ABCA13: variants seen among roughly 807,000 people sequenced by gnomAD.
ABCA13 encodes the protein ATP-binding cassette sub-family A member 13.
A neutral mutation model predicts 478.7 loss-of-function variants in ABCA13; 476 were observed. The observed-to-expected ratio is 0.99, with a 90% CI of 0.92 to 1.07. The LOEUF (loss-of-function observed/expected upper bound fraction) is 1.07. Among genes scored for constraint, ABCA13 ranks in the 50% least tolerant of loss-of-function variants. ABCA13 has a pLI of 0.00. For synonymous variants in ABCA13, 2,252 were observed against 2,158.9 expected, an observed-to-expected ratio of 1.04 and a Z score of -1.20; for missense variants, 6,060 against 5,910.6, an observed-to-expected ratio of 1.03 and a Z score of -0.83.
chr7:48,367,577 G>A (rs904666299), intron 31 of ABCA13, among the ~76,000 whole-genome samples: 6 of 152,096 alleles, frequency 3.9e-5, no homozygotes, highest in African/African-American at 1.2e-4. Context: ...GAGAGATCTC[G>A]AACCAGTTGT....
chr7:48,227,489 T>G, intron 6 of ABCA13, 64 bp downstream of exon 6: 7 of 1,501,080 alleles, frequency 4.7e-6, no homozygotes, highest in Non-Finnish European at 2.7e-6. Flanking sequence ...ATTTTTAAAA[T>G]GAGAAATAAA....
intron 39 of ABCA13, among the ~76,000 whole-genome samples, chr7:48,406,527 A>C (rs1244422813): frequency 6.6e-6 from 1 of 152,210 alleles, no homozygotes; most frequent in Non-Finnish European, 1.5e-5. Context: ...GGAACATATC[A>C]TCTGAATCAG....
rs778302883 is a variant in ABCA13 at position 48,317,252 on chromosome 7, C to T, written c.9955C>T (p.Leu3319=). ...FLKPILHGKI[L]YTPNTPEINK... ...AAAACCCATATTGCATGGAAAAATA[C>T]TATACACACCAAACACTCCAGAAAT... Residue 3319 remains leucine (L), a synonymous_variant, in exon 27 of 62, where the codon CTA becomes TTA. Transcript: ENST00000435803. 8.1e-6 allele frequency: 13 copies of T among 1,613,566 alleles called. No individual in the cohort carries two copies. The highest frequency in any genetic ancestry group is 1.1e-5 in the Non-Finnish European group (13 of 1,179,830).
At position 48,239,274 on chromosome 7, in the gene ABCA13, T is replaced by C; in HGVS notation, c.931T>C (p.Cys311Arg). 6.2e-7 allele frequency: 1 copy of C among 1,613,958 alleles called. No individual in the cohort carries two copies. Among genetic ancestry groups the C allele is most frequent in the South Asian group, 1.1e-5 (1 of 91,070 alleles). The change falls in exon 9 of 62, where the codon TGT becomes CGT. Residue 311 changes from cysteine (C) to arginine (R), a missense_variant. Coordinates refer to ENST00000435803, the MANE Select transcript of ABCA13 (RefSeq NM_152701.5). ...PTDTSLEKMVCSVLSSTSEDE... is the reference protein window; with the variant it reads ...PTDTSLEKMVRSVLSSTSEDE... ...AGACACTTCCTTGGAGAAGATGGTGTGTTCAGTCTTGTCTAGCACATCAGA... is the reference window on the plus strand; with the variant it reads ...AGACACTTCCTTGGAGAAGATGGTGCGTTCAGTCTTGTCTAGCACATCAGA...
At chr7:48,397,036 C>A (rs548010698) in intron 38 of ABCA13, among the ~76,000 whole-genome samples, 1 of 152,084 alleles carries the variant, frequency 6.6e-6, no homozygotes, top group Non-Finnish European at 1.5e-5. Context: ...TTTTTGTGTC[C>A]TTTTATATTT....
At chr7:48,361,425 G>C (rs546202959) in intron 31 of ABCA13, among the ~76,000 whole-genome samples, 41 of 151,420 alleles carry the variant, frequency 2.7e-4, no homozygotes, top group Non-Finnish European at 4.9e-4. Context: ...AAAAATTCAT[G>C]ATGTGCAAGT....
intron 31 of ABCA13, among the ~76,000 whole-genome samples, chr7:48,363,305 T>G (rs1436741560): frequency 6.6e-6 from 1 of 152,190 alleles, no homozygotes; most frequent in Non-Finnish European, 1.5e-5. Flanking sequence ...TTAAATGTTA[T>G]TATGGAGAAA....
intron 42 of ABCA13, among the ~76,000 whole-genome samples, chr7:48,437,398 A>G (rs1468856154): frequency 3.3e-5 from 5 of 151,976 alleles, no homozygotes; most frequent in East Asian, 1.9e-4. Flanking sequence ...CTTCTAATCT[A>G]TGTGTATCCA....
intron 29 of ABCA13, among the ~76,000 whole-genome samples, chr7:48,341,930 CAT>C (rs1807299129): frequency 1.8e-5 from 2 of 113,942 alleles, no homozygotes; most frequent in African/African-American, 6.6e-5. Flanking sequence ...TATATATACT[CAT>C]ATATATATAT....
rs1476102275 is a variant in ABCA13, at chr7:48,229,828, C to A, written c.636C>A (p.Ser212=). ...AVNLLQTILN[S]LISLEDLDWL... ...TTTTGTTTTGTTTTGGTTCTAGTTC[C>A]TTAATATCCCTAGAAGATTTAGATT... The change falls in exon 7 of 62, where the codon TCC becomes TCA. Residue 212 remains serine, a synonymous_variant. Transcript: ENST00000435803. The A allele has an allele frequency of 6.2e-7, 1 of 1,613,754 alleles. No homozygotes were observed. The highest frequency in any genetic ancestry group is 2.2e-5 in the East Asian group (1 of 44,882).
rs1466200229 is a variant in ABCA13 at position 48,572,639 on chromosome 7, T to C, written c.14355-7585T>C. Among the ~76,000 whole-genome samples, 3 of 152,202 alleles carry C rather than the reference T, an allele frequency of 2.0e-5. No individual in the cohort carries two copies. In the East Asian group the frequency reaches 5.8e-4, roughly 29 times the overall value. On this transcript the variant is annotated intron_variant, in intron 55 of 61. Transcript: ENST00000435803. ...AATACCCCTTTTATATATCACTTGA[T>C]TTAATTGGGTAATAGTTACTAAAAT...
chr7:48,234,955 C>T (rs1789722910), intron 8 of ABCA13, among the ~76,000 whole-genome samples: 1 of 152,130 alleles, frequency 6.6e-6, no homozygotes, highest in African/African-American at 2.4e-5. Context: ...TTTGTGAGTT[C>T]CCCACAACCT....
chr7:48,260,786 C>G (rs1794064325), intron 15 of ABCA13, among the ~76,000 whole-genome samples: 1 of 151,904 alleles, frequency 6.6e-6, no homozygotes, highest in Non-Finnish European at 1.5e-5. Flanking sequence ...TTGTGGTCCC[C>G]TAGAGCCAGG....
rs1460660785 is a variant in ABCA13 at position 48,313,062 on chromosome 7, T to C, written c.9517-5T>C. ...ATGTTGTTTTGTTTTTGTTTTGTCC[T>C]TTAGACTCTGATGCCTTCTGAAGCA... On this transcript the variant is annotated splice_polypyrimidine_tract_variant and splice_region_variant and intron_variant, in intron 24 of 61. Coordinates refer to ENST00000435803, the MANE Select transcript of ABCA13 (RefSeq NM_152701.5). 1 of 1,567,454 alleles carries C rather than the reference T, an allele frequency of 6.4e-7. No homozygotes were observed. The highest frequency in any genetic ancestry group is 8.6e-7 in the Non-Finnish European group (1 of 1,156,998).
At chr7:48,466,825 C>A in intron 43 of ABCA13, 131 bp from the exon 44 acceptor site, 1 of 822,502 alleles carries the variant, frequency 1.2e-6, no homozygotes. Context: ...AGCTGTATCT[C>A]ACTTACTAGG....
intron 37 of ABCA13, among the ~76,000 whole-genome samples, chr7:48,390,062 C>G (rs1021054090): frequency 1.3e-5 from 2 of 152,064 alleles, no homozygotes; most frequent in African/African-American, 4.8e-5. Flanking sequence ...CCTGGAAAAG[C>G]GTGTGAGTGT....
chr7:48,391,897 A>ATGC (rs749348915), intron 37 of ABCA13, 24 bp from the exon 38 acceptor site: 1 of 1,606,716 alleles, frequency 6.2e-7, no homozygotes, highest in East Asian at 2.2e-5. Context: ...CGTATTCTCC[A>ATGC]TGCTGTCTTA....
chr7:48,475,298 T>C (rs988095344), intron 45 of ABCA13, among the ~76,000 whole-genome samples: 3 of 152,016 alleles, frequency 2.0e-5, no homozygotes, highest in African/African-American at 7.3e-5. Flanking sequence ...CACAAAGCTG[T>C]GTGGAAGGAA....
intron 48 of ABCA13, among the ~76,000 whole-genome samples, chr7:48,501,721 C>A (rs1303529766): frequency 6.6e-6 from 1 of 152,184 alleles, no homozygotes; most frequent in Non-Finnish European, 1.5e-5. Flanking sequence ...AGTGGGCTGT[C>A]TCCTGAAGTT....
Sources: gnomAD v4.1 joint callset for allele counts (sites outside exome capture counted in the v4.1 genomes callset) on GRCh38, gnomAD v4.1.1 for gene constraint, MANE v1.5 for transcripts, NCBI Gene and HGNC (gene_info 2026-07-23, HGNC 2026-07-21) for gene names.